The following PKNOX2 variants were observed in gnomAD, a reference collection of about 807,000 sequenced individuals.
PKNOX2 encodes homeobox protein PKNOX2.
PKNOX2 carries 14 observed loss-of-function variants against 53.1 expected under a neutral mutation model. That is an observed-to-expected ratio of 0.26 (90% CI 0.17 to 0.41). The LOEUF (loss-of-function observed/expected upper bound fraction) is 0.41, where lower values mean the gene tolerates loss of function less well. Among genes scored for constraint, PKNOX2 ranks in the 10% least tolerant of loss-of-function variants. The probability of loss-of-function intolerance (pLI) is 1.00; values close to 1 mark genes in which losing one functional copy is unlikely to be tolerated. For synonymous variants in PKNOX2, 257 were observed against 242.8 expected (o/e 1.06, Z -0.54); for missense variants, 496 against 602.8 (o/e 0.82, Z 1.85).
chr11:125,337,360 G>C (rs1252294817), intron 3 of PKNOX2, among the ~76,000 whole-genome samples: 2 of 152,166 alleles, frequency 1.3e-5, no homozygotes, highest in African/African-American at 4.8e-5. Flanking sequence ...ACAACCTCTA[G>C]TTATTTTTTA....
At chr11:125,356,405 G>A (rs1159590269) in intron 4 of PKNOX2, among the ~76,000 whole-genome samples, 1 of 152,222 alleles carries the variant, frequency 6.6e-6, no homozygotes, top group Non-Finnish European at 1.5e-5. Flanking sequence ...TTTGAACAGA[G>A]AGAGAAAAGA....
At chr11:125,276,535 G>A (rs893655318) in intron 2 of PKNOX2, among the ~76,000 whole-genome samples, 3 of 152,168 alleles carry the variant, frequency 2.0e-5, no homozygotes, top group African/African-American at 7.2e-5. Context: ...ATTGCAGGAT[G>A]GCATGGCCTG....
At position 125,202,724 on chromosome 11, in the gene PKNOX2, G is replaced by A. The variant is rs530254278; in HGVS notation, c.-200-32321G>A. Among the ~76,000 whole-genome samples, 9 of 152,152 alleles carry A rather than the reference G, an allele frequency of 5.9e-5. No homozygotes were observed. In the South Asian group the frequency reaches 1.9e-3, roughly 32 times the overall value. On this transcript the variant is annotated intron_variant, in intron 1 of 12. Transcript: ENST00000298282. Reference sequence around the variant, plus strand: ...GGCTCTGGGGAGGCTGTGGGTTGGGGGGGAGGGGTGAGTGCTCTGGGACAG... The same window carrying A: ...GGCTCTGGGGAGGCTGTGGGTTGGGAGGGAGGGGTGAGTGCTCTGGGACAG...
chr11:125,368,264 C>T (rs563346906), intron 5 of PKNOX2, among the ~76,000 whole-genome samples: 7 of 152,308 alleles, frequency 4.6e-5, no homozygotes, highest in Admixed American at 3.9e-4. Context: ...AGAAACCCTC[C>T]GCTCAGCCAA....
intron 6 of PKNOX2, among the ~76,000 whole-genome samples, chr11:125,390,523 A>G (rs539088995): frequency 6.6e-6 from 1 of 152,230 alleles, no homozygotes; most frequent in African/African-American, 2.4e-5. Flanking sequence ...CAGCTTAGAG[A>G]TTATGTAAAT....
intron 3 of PKNOX2, among the ~76,000 whole-genome samples, chr11:125,335,654 A>G (rs1399839172): frequency 6.6e-6 from 1 of 152,218 alleles, no homozygotes; most frequent in Non-Finnish European, 1.5e-5. Context: ...AAAAAGAGGT[A>G]TTAATTTTAA....
intron 2 of PKNOX2, among the ~76,000 whole-genome samples, chr11:125,264,771 G>C (rs1487966220): frequency 2.6e-5 from 4 of 151,592 alleles, no homozygotes; most frequent in African/African-American, 9.7e-5. Flanking sequence ...TAAGCCCTGG[G>C]AACAGGTGTG....
chr11:125,198,828 T>C (rs1938073465), intron 1 of PKNOX2, among the ~76,000 whole-genome samples: 1 of 135,116 alleles, frequency 7.4e-6, no homozygotes, highest in Non-Finnish European at 1.6e-5. Context: ...TCTTCCTTCT[T>C]CTTCTTCTTC....
intron 1 of PKNOX2, among the ~76,000 whole-genome samples, chr11:125,219,304 G>A (rs1254180128): frequency 6.6e-6 from 1 of 152,062 alleles, no homozygotes. Context: ...TGGAGGTGGT[G>A]GCGCACACCT....
chr11:125,281,225 T>C (rs1041930720), intron 2 of PKNOX2, among the ~76,000 whole-genome samples: 10 of 152,142 alleles, frequency 6.6e-5, no homozygotes, highest in South Asian at 2.1e-4. Context: ...AGGAAAGAGA[T>C]TGGACTCCTG....
At chr11:125,384,749 A>G (rs900885935) in intron 5 of PKNOX2, among the ~76,000 whole-genome samples, 1 of 152,160 alleles carries the variant, frequency 6.6e-6, no homozygotes, top group Admixed American at 6.5e-5. Context: ...TAGATGTCAT[A>G]GAACCCCCCG....
chr11:125,295,478 G>C (rs960298768), intron 2 of PKNOX2, among the ~76,000 whole-genome samples: 1 of 152,222 alleles, frequency 6.6e-6, no homozygotes, highest in South Asian at 2.1e-4. Flanking sequence ...GTGCCTGTGC[G>C]TATGCACCAC....
At chr11:125,430,227 G>A (rs1482349374) in intron 12 of PKNOX2, 86 bp downstream of exon 12, 3 of 1,466,034 alleles carry the variant, frequency 2.0e-6, no homozygotes, top group African/African-American at 2.8e-5. Context: ...AAGATTCAAG[G>A]GCTATCTCCT....
chr11:125,201,196 A>T (rs975869189), intron 1 of PKNOX2, among the ~76,000 whole-genome samples: 1 of 151,656 alleles, frequency 6.6e-6, no homozygotes, highest in Admixed American at 6.6e-5. Flanking sequence ...TGGCCATTCT[A>T]CCCCCAAGAG....
chr11:125,212,761 C>T (rs1255146728), intron 1 of PKNOX2, among the ~76,000 whole-genome samples: 1 of 151,930 alleles, frequency 6.6e-6, no homozygotes, highest in Non-Finnish European at 1.5e-5. Flanking sequence ...TCCTCTTGAC[C>T]GGTTCTACAG....
chr11:125,225,990 C>T (rs977087477), intron 1 of PKNOX2, among the ~76,000 whole-genome samples: 1 of 152,226 alleles, frequency 6.6e-6, no homozygotes, highest in African/African-American at 2.4e-5. Flanking sequence ...ATCACACTGC[C>T]TTTGTTCAGG....
chr11:125,327,662 T>G (rs1591529407), intron 2 of PKNOX2, among the ~76,000 whole-genome samples: 1 of 151,902 alleles, frequency 6.6e-6, no homozygotes, highest in South Asian at 2.1e-4. Context: ...CCATCAGGGG[T>G]CTCCTCCTCC....
intron 6 of PKNOX2, among the ~76,000 whole-genome samples, chr11:125,393,078 G>A (rs1002881087): frequency 2.6e-5 from 4 of 151,034 alleles, no homozygotes; most frequent in African/African-American, 9.7e-5. Context: ...GGAGAATGGC[G>A]TGAACCAGGA....
chr11:125,298,833 C>T (rs893057931), intron 2 of PKNOX2, among the ~76,000 whole-genome samples: 2 of 152,170 alleles, frequency 1.3e-5, no homozygotes, highest in African/African-American at 4.8e-5. Flanking sequence ...GTAGGGCAGG[C>T]CTTCTTCGCC....
Sources: gnomAD v4.1 joint callset for allele counts (sites outside exome capture counted in the v4.1 genomes callset) on GRCh38, gnomAD v4.1.1 for gene constraint, MANE v1.5 for transcripts, NCBI Gene and HGNC (gene_info 2026-07-23, HGNC 2026-07-21) for gene names.